The following CTBP2 variants were observed in gnomAD, a reference collection of about 807,000 sequenced individuals.
The protein encoded by CTBP2 is C-terminal binding protein 2.
Under a neutral mutation model 80.3 loss-of-function variants are expected in CTBP2, and 30 were observed. The observed-to-expected ratio is 0.37, with a 90% confidence interval of 0.28 to 0.51. The LOEUF (loss-of-function observed/expected upper bound fraction) is 0.51, where lower values mean the gene tolerates loss of function less well. Among genes scored for constraint, CTBP2 ranks in the 20% least tolerant of loss-of-function variants. The pLI, the probability that CTBP2 is intolerant of heterozygous loss-of-function variation, is 0.93. For synonymous variants in CTBP2, 594 were observed against 587.4 expected (o/e 1.01, Z -0.16); for missense variants, 1,212 against 1,375.3 (o/e 0.88, Z 1.88).
intron 2 of CTBP2, among the ~76,000 whole-genome samples, chr10:125,040,275 T>C (rs2135002435): frequency 6.6e-6 from 1 of 152,010 alleles, no homozygotes; most frequent in African/African-American, 2.4e-5. Flanking sequence ...GCCAACATGG[T>C]AAAATCCCGT....
At chr10:125,145,261 G>A (rs1263531317) in intron 1 of CTBP2, among the ~76,000 whole-genome samples, 1 of 152,164 alleles carries the variant, frequency 6.6e-6, no homozygotes, top group African/African-American at 2.4e-5. Context: ...ACCCCCTGGA[G>A]GAGGTGGCTA....
chr10:125,005,730 T>G, intron 1 of CTBP2: 1 of 1,612,926 alleles, frequency 6.2e-7, no homozygotes, highest in Non-Finnish European at 8.5e-7. Context: ...CAAGATTCCT[T>G]CTGTTTCAGT....
chr10:125,147,334 C>G (rs1350034377), intron 1 of CTBP2, among the ~76,000 whole-genome samples: 1 of 152,196 alleles, frequency 6.6e-6, no homozygotes, highest in Admixed American at 6.5e-5. Context: ...ACCCTGGCTG[C>G]CCATCAGGCA....
At chr10:125,144,910 T>C (rs1191076861) in intron 1 of CTBP2, among the ~76,000 whole-genome samples, 1 of 152,198 alleles carries the variant, frequency 6.6e-6, no homozygotes, top group Non-Finnish European at 1.5e-5. Context: ...TGCTGCCCGG[T>C]CAAGAGTGAA....
intron 2 of CTBP2, among the ~76,000 whole-genome samples, chr10:125,083,433 C>T (rs1044631434): frequency 6.6e-6 from 1 of 152,210 alleles, no homozygotes; most frequent in Admixed American, 6.5e-5. Context: ...GAGGACACAA[C>T]ACTGACAGCC....
Position 125,003,356 on chromosome 10 carries a change from C to T in CTBP2, c.1815G>A (p.Thr605=), listed in dbSNP as rs763088730. ...GGCCCACCTTCTCGTGGATTTCCTG[C>T]GTCGACTGCGCGTCACAGAAGGCCA... Residue 605 remains threonine, a synonymous_variant, in exon 2 of 9, where the codon ACG becomes ACA. Coordinates refer to ENST00000309035, the MANE Select transcript of CTBP2 (RefSeq NM_022802.3). The T allele has an allele frequency of 2.2e-5, 35 of 1,610,140 alleles. No homozygotes were observed. The highest frequency in any genetic ancestry group is 2.9e-5 in the Non-Finnish European group (34 of 1,179,334).
In CTBP2 at chr10:125,027,385, G is replaced by T. The variant is rs773124102; in HGVS notation, c.375C>A (p.Pro125=). Residue 125 remains proline, a synonymous_variant, in exon 1 of 9, where the codon CCC becomes CCA. Transcript: ENST00000309035. ...GGCTGACTCCTGGGTCCCGATAGAG[G>T]GGAGGCTCTTTGGGTACCCTAGCAG... 8.7e-5 allele frequency: 141 copies of T among 1,613,522 alleles called. No homozygotes were observed. The highest frequency in any genetic ancestry group is 1.2e-4 in the Non-Finnish European group (140 of 1,180,014).
chr10:125,091,009 G>A (rs898595119), intron 2 of CTBP2, among the ~76,000 whole-genome samples: 2 of 152,234 alleles, frequency 1.3e-5, no homozygotes, highest in African/African-American at 4.8e-5. Context: ...ACCAAAGGCA[G>A]AGGCAGGAAT....
intron 2 of CTBP2, among the ~76,000 whole-genome samples, chr10:125,039,690 C>T (rs540168311): frequency 2.4e-4 from 37 of 152,352 alleles, no homozygotes; most frequent in African/African-American, 7.9e-4. Context: ...GACTCTACCA[C>T]GTGAGAACGC....
chr10:125,145,412 T>A (rs146596954), intron 1 of CTBP2, among the ~76,000 whole-genome samples: 383 of 152,232 alleles, frequency 2.5e-3, no homozygotes, highest in African/African-American at 8.7e-3. Context: ...AGGGCCTCTC[T>A]GGGGACTGAC....
intron 1 of CTBP2, among the ~76,000 whole-genome samples, chr10:125,025,192 G>A (rs566589607): frequency 3.9e-5 from 6 of 152,304 alleles, no homozygotes; most frequent in African/African-American, 1.4e-4. Flanking sequence ...GAATGACGTA[G>A]GGGAGGCTGG....
chr10:125,052,537 TAAC>T (rs1206999412), intron 2 of CTBP2, among the ~76,000 whole-genome samples: 1 of 152,208 alleles, frequency 6.6e-6, no homozygotes, highest in African/African-American at 2.4e-5. Context: ...TTGTCTGTGT[TAAC>T]AACACCCAGA....
chr10:125,152,008 G>C (rs914803490), intron 1 of CTBP2, among the ~76,000 whole-genome samples: 2 of 152,162 alleles, frequency 1.3e-5, no homozygotes, highest in Admixed American at 6.5e-5. Context: ...GGCGAGGCGC[G>C]AGGTGGGGGG....
At chr10:125,013,600 T>C (rs1467695216) in intron 1 of CTBP2, among the ~76,000 whole-genome samples, 1 of 152,138 alleles carries the variant, frequency 6.6e-6, no homozygotes, top group Admixed American at 6.5e-5. Context: ...GCCTGTCCCA[T>C]TTAGAAGGAT....
intron 2 of CTBP2, among the ~76,000 whole-genome samples, chr10:125,095,028 A>C (rs1849345767): frequency 1.3e-5 from 2 of 152,070 alleles, no homozygotes; most frequent in South Asian, 4.1e-4. Flanking sequence ...TGTCCTGCGG[A>C]TGCTGATTCA....
intron 1 of CTBP2, among the ~76,000 whole-genome samples, chr10:125,115,406 G>A (rs1853070991): frequency 6.6e-6 from 1 of 152,190 alleles, no homozygotes; most frequent in African/African-American, 2.4e-5. Flanking sequence ...ATGGACTCTG[G>A]GAAGGGACAA....
intron 2 of CTBP2, among the ~76,000 whole-genome samples, chr10:125,083,429 A>C (rs1847478696): frequency 6.6e-6 from 1 of 152,222 alleles, no homozygotes; most frequent in African/African-American, 2.4e-5. Context: ...GTCCGAGGAC[A>C]CAACACTGAC....
chr10:125,024,931 T>C (rs1957392337), intron 1 of CTBP2, among the ~76,000 whole-genome samples: 1 of 152,130 alleles, frequency 6.6e-6, no homozygotes, highest in Non-Finnish European at 1.5e-5. Flanking sequence ...TTGCTCAGTC[T>C]CCACTTGGAA....
At chr10:125,116,962 G>A (rs770911014) in intron 1 of CTBP2, among the ~76,000 whole-genome samples, 2 of 152,250 alleles carry the variant, frequency 1.3e-5, no homozygotes, top group Non-Finnish European at 2.9e-5. Flanking sequence ...AAGCAGCCCA[G>A]AGGACCCATG....
Sources: allele counts gnomAD v4.1 joint callset (sites outside exome capture counted in the v4.1 genomes callset), GRCh38; gene constraint gnomAD v4.1.1; transcripts MANE v1.5; gene names NCBI Gene and HGNC (gene_info 2026-07-23, HGNC 2026-07-21).